The following ALPK3 variants were observed in gnomAD, a reference collection of about 807,000 sequenced individuals.
ALPK3 encodes the protein alpha-protein kinase 3.
Under a neutral mutation model 140.0 loss-of-function variants are expected in ALPK3, and 102 were observed. That is an observed-to-expected ratio of 0.73 (90% CI 0.62 to 0.86). ALPK3 has a LOEUF of 0.86. Ranked by LOEUF, ALPK3 falls within the 40% of genes least tolerant of loss-of-function variation. ALPK3 has a pLI of 0.00. For synonymous variants in ALPK3, 938 were observed against 898.5 expected, an observed-to-expected ratio of 1.04 and a Z score of -0.79; for missense variants, 2,254 against 2,208.2, an observed-to-expected ratio of 1.02 and a Z score of -0.42.
At chr15:84,848,943 A>C (rs1014071343) in intron 5 of ALPK3, among the ~76,000 whole-genome samples, 14 of 152,132 alleles carry the variant, frequency 9.2e-5, no homozygotes, top group African/African-American at 2.9e-4. Context: ...GGAGTTCGAG[A>C]CCAGCCTGAC....
chr15:84,833,260 C>A (rs1263947794), intron 3 of ALPK3, among the ~76,000 whole-genome samples: 1 of 152,166 alleles, frequency 6.6e-6, no homozygotes, highest in Non-Finnish European at 1.5e-5. Context: ...TCCTTTCCTG[C>A]CCCCACTCAT....
chr15:84,868,356 G>T lies in ALPK3; in HGVS notation c.5018G>T (p.Ser1673Ile). Residue 1673 changes from serine to isoleucine, a missense_variant, in exon 14 of 14, where the codon AGT becomes ATT. By Grantham distance (142) the Ser-to-Ile change is moderately radical. Around this residue, in one of 3 missense-constraint regions of ALPK3, gnomAD observed 158 missense variants for 159.8 expected, o/e 0.99. Transcript: ENST00000258888. ...CAGGGCACCCGGAAGAGTGCTCCAAGTTCCAAGGCCACCCCTCAGGCCTCA... is the reference window on the plus strand; with the variant it reads ...CAGGGCACCCGGAAGAGTGCTCCAATTTCCAAGGCCACCCCTCAGGCCTCA... ...SPQGTRKSAPSSKATPQASEP... is the reference protein window; with the variant it reads ...SPQGTRKSAPISKATPQASEP... The T allele has an allele frequency of 6.2e-7, 1 of 1,614,058 alleles. No individual in the cohort carries two copies.
At position 84,840,287 on chromosome 15, in the gene ALPK3, C is replaced by T. The variant is rs973211789; in HGVS notation, c.1008C>T (p.Ala336=). ...GGAAGCCAGAGTTAGAGAAGGCAGC[C>T]CAAAGCCGCCGTTCTTCAGAAAACT... ...GLRKPELEKA[A]QSRRSSENCI... is the part of the protein sequence containing the mutation. The change falls in exon 5 of 14, where the codon GCC becomes GCT. Residue 336 remains alanine, a synonymous_variant. Transcript: ENST00000258888. 6.2e-7 allele frequency: 1 copy of T among 1,613,914 alleles called. No individual in the cohort carries two copies. The highest frequency in any genetic ancestry group is 2.2e-5 in the East Asian group (1 of 44,872).
At position 84,836,113 on chromosome 15, in the gene ALPK3, G is replaced by A. The variant is rs563666926; in HGVS notation, c.305-2867G>A. 9.3e-4 allele frequency among the ~76,000 whole-genome samples: 142 copies of A among 152,324 alleles called. 5 individuals are homozygous for A. The South Asian group carries it at 0.028, about 30-fold the overall frequency. The stretch of plus-strand genomic sequence containing the variant: ...TGCTTTACACGGGGTGGAAGGGAAG[G>A]CCTCTCTAGGGAAGTAACAGAGCCC... On this transcript the variant is annotated intron_variant, in intron 3 of 13. Transcript: ENST00000258888.
chr15:84,817,716 C>T, intron 1 of ALPK3, 121 bp downstream of exon 1: 1 of 1,259,326 alleles, frequency 7.9e-7, no homozygotes, highest in Non-Finnish European at 1.0e-6. Context: ...CCTCTCAGCC[C>T]CAAGGCCCAG....
At chr15:84,826,012 T>C (rs571476597) in intron 2 of ALPK3, among the ~76,000 whole-genome samples, 60 of 152,264 alleles carry the variant, frequency 3.9e-4, no homozygotes, top group Non-Finnish European at 6.6e-4. Context: ...GTATGTGAGA[T>C]TGGGATCCCC....
At chr15:84,836,464 T>A (rs1209261762) in intron 3 of ALPK3, among the ~76,000 whole-genome samples, 1 of 152,110 alleles carries the variant, frequency 6.6e-6, no homozygotes, top group African/African-American at 2.4e-5. Context: ...TGGTGGGGAA[T>A]GGCAAGGAGT....
intron 1 of ALPK3, among the ~76,000 whole-genome samples, chr15:84,819,695 T>C (rs1331199182): frequency 1.3e-5 from 2 of 152,224 alleles, no homozygotes; most frequent in East Asian, 3.8e-4. Context: ...AGCTGAGCCC[T>C]GACTATGCCA....
intron 3 of ALPK3, among the ~76,000 whole-genome samples, chr15:84,829,752 A>C (rs908443231): frequency 2.0e-5 from 3 of 152,246 alleles, no homozygotes; most frequent in Non-Finnish European, 4.4e-5. Flanking sequence ...TACAATGAGC[A>C]AAGGGTGAGT....
Position 84,869,156 on chromosome 15 carries a change from C to T in ALPK3, c.*700C>T, listed in dbSNP as rs1964038771. Reference sequence around the variant, plus strand: ...TTGTACCCCCTCGCCACATCCCTGTCTTGGGGCCCAGCTGCAGCCTGCTGC... The same window carrying T: ...TTGTACCCCCTCGCCACATCCCTGTTTTGGGGCCCAGCTGCAGCCTGCTGC... On this transcript the variant is annotated 3_prime_UTR_variant, in exon 14 of 14. Coordinates refer to ENST00000258888, the MANE Select transcript of ALPK3 (RefSeq NM_020778.5). The T allele has an allele frequency of 6.5e-6, 1 of 153,598 alleles. No individual in the cohort carries two copies. Among genetic ancestry groups the T allele is most frequent in the African/African-American group, 2.4e-5 (1 of 41,486 alleles). The allele number at this position is 153,598 out of a possible 1,614,324, so 9.5% of individuals were successfully genotyped here.
At position 84,859,884 on chromosome 15, in the gene ALPK3, C is replaced by T. The variant is rs997356679; in HGVS notation, c.4074C>T (p.Asp1358=). The change falls in exon 8 of 14, where the codon GAC becomes GAT. Residue 1358 remains aspartate, a synonymous_variant. Transcript: ENST00000258888. ...IHNEHGSAST[D]FCLSPEVLSG... is the part of the protein sequence containing the mutation. ...ATGAGCACGGCTCGGCCTCCACCGACTTCTGCCTCAGCCCTGAGGGTGAGT... is the reference window on the plus strand; with the variant it reads ...ATGAGCACGGCTCGGCCTCCACCGATTTCTGCCTCAGCCCTGAGGGTGAGT... 6.2e-7 allele frequency: 1 copy of T among 1,614,090 alleles called. No homozygotes were observed. The highest frequency in any genetic ancestry group is 1.3e-5 in the African/African-American group (1 of 75,078).
chr15:84,839,887 A>C lies in ALPK3; in HGVS notation c.608A>C (p.Glu203Ala). The C allele has an allele frequency of 6.2e-7, 1 of 1,613,962 alleles. No homozygotes were observed. Among genetic ancestry groups the C allele is most frequent in the South Asian group, 1.1e-5 (1 of 91,088 alleles). The change falls in exon 5 of 14, where the codon GAG becomes GCG. Residue 203 changes from glutamate to alanine, a missense_variant. Glu to Ala is a moderately radical substitution (Grantham distance 107). Transcript: ENST00000258888. ...GAGATCGAGCAGAGCTGGAAGCACG[A>C]GAAGGCGGTGCCTGGGGAGGTCGAC... ...LREIEQSWKHEKAVPGEVDTL... is the reference protein window; with the variant it reads ...LREIEQSWKHAKAVPGEVDTL...
intron 5 of ALPK3, among the ~76,000 whole-genome samples, chr15:84,847,782 G>A (rs776073540): frequency 2.6e-5 from 4 of 152,202 alleles, no homozygotes; most frequent in Admixed American, 6.5e-5. Context: ...TGCTAGGCTG[G>A]GAGCTGTGGC....
Position 84,858,027 on chromosome 15 carries a change from C to A in ALPK3, c.3289C>A (p.Pro1097Thr). 1 of 1,579,852 alleles carries A rather than the reference C, an allele frequency of 6.3e-7. No individual in the cohort carries two copies. Among genetic ancestry groups the A allele is most frequent in the Non-Finnish European group, 8.6e-7 (1 of 1,164,424 alleles). ...GASEGEGEVS[P>T]EGPGLLGASQ... Reference sequence around the variant, plus strand: ...CAGTGAGGGTGAAGGAGAGGTTTCCCCTGAGGGGCCTGGCCTCCTGGGGGC... The same window carrying A: ...CAGTGAGGGTGAAGGAGAGGTTTCCACTGAGGGGCCTGGCCTCCTGGGGGC... The change falls in exon 6 of 14, where the codon CCT becomes ACT. Residue 1097 changes from proline to threonine, a missense_variant. Physicochemically the swap from Pro to Thr is conservative, Grantham distance 38. This residue lies in a region of ALPK3 where 2,088 missense variants were observed against 2,022.9 expected (regional missense o/e 1.03). Coordinates refer to ENST00000258888, the MANE Select transcript of ALPK3 (RefSeq NM_020778.5).
Position 84,817,561 on chromosome 15 carries a change from C to A in ALPK3, c.109C>A (p.Arg37=). ...GPVWIPSPAS[R]SYLLSVRPET... ...CGTGTGGATCCCCAGCCCAGCCAGC[C>A]GGAGCTACCTGCTCAGCGTGCGGCC... is the stretch of plus-strand genomic sequence containing the variant. Residue 37 remains arginine (R), a synonymous_variant, in exon 1 of 14, where the codon CGG becomes AGG. Transcript: ENST00000258888. 6.7e-7 allele frequency: 1 copy of A among 1,502,464 alleles called. No homozygotes were observed. Among genetic ancestry groups the A allele is most frequent in the South Asian group, 1.2e-5 (1 of 82,128 alleles). 93.1% of individuals were successfully genotyped at this position (1,502,464 alleles called of 1,614,324 possible). A position where few individuals can be genotyped will look rare whatever the true frequency, so the allele number is the denominator to read the frequency against.
At chr15:84,867,871 G>C (rs1964018756) in intron 13 of ALPK3, among the ~76,000 whole-genome samples, 1 of 152,110 alleles carries the variant, frequency 6.6e-6, no homozygotes, top group South Asian at 2.1e-4. Flanking sequence ...CTTGAGCCCA[G>C]GAGTTTGAGA....
At chr15:84,833,957 TTGTGTG>T (rs71453270) in intron 3 of ALPK3, among the ~76,000 whole-genome samples, 7 of 147,228 alleles carry the variant, frequency 4.8e-5, no homozygotes, top group African/African-American at 1.3e-4. Context: ...AGATTCTGTG[TTGTGTG>T]TGTGTGTGTG....
intron 5 of ALPK3, among the ~76,000 whole-genome samples, chr15:84,850,959 G>A (rs1963797073): frequency 1.3e-5 from 2 of 151,608 alleles, no homozygotes; most frequent in South Asian, 4.2e-4. Context: ...CCTTGTAGAA[G>A]TGTACAGAGA....
chr15:84,853,088 A>C (rs962324110), intron 5 of ALPK3, among the ~76,000 whole-genome samples: 6 of 152,226 alleles, frequency 3.9e-5, no homozygotes, highest in African/African-American at 1.4e-4. Context: ...GCTTTAATCA[A>C]GAAGTTCTAG....
Sources: allele counts gnomAD v4.1 joint callset (sites outside exome capture counted in the v4.1 genomes callset), GRCh38; gene constraint gnomAD v4.1.1; regional missense constraint gnomAD v4.1.1; transcripts MANE v1.5; gene names NCBI Gene and HGNC (gene_info 2026-07-23, HGNC 2026-07-21).